The following RELL1 variants were observed in gnomAD, a reference collection of about 807,000 sequenced individuals.
The protein encoded by RELL1 is RELT like 1.
Under a neutral mutation model 23.0 loss-of-function variants are expected in RELL1, and 10 were observed. That is an observed-to-expected ratio of 0.43 (90% confidence interval 0.27 to 0.74). The LOEUF (loss-of-function observed/expected upper bound fraction) is 0.74, where lower values mean the gene tolerates loss of function less well. Ranked by LOEUF, RELL1 falls within the 30% of genes least tolerant of loss-of-function variation. The pLI is 0.19. For missense variants in RELL1, 315 were observed against 364.4 expected (o/e 0.86, Z 1.10); for synonymous variants, 146 against 146.8 (o/e 0.99, Z 0.04).
At chr4:37,674,275 C>G (rs138765923) in intron 1 of RELL1, among the ~76,000 whole-genome samples, 6 of 152,326 alleles carry the variant, frequency 3.9e-5, no homozygotes, top group Non-Finnish European at 8.8e-5. Flanking sequence ...CTGACGATAT[C>G]TCAAATAAGA....
At chr4:37,668,201 A>ACCCCCCCCCCCCCCC (rs532626099) in intron 1 of RELL1, among the ~76,000 whole-genome samples, 1 of 143,918 alleles carries the variant, frequency 6.9e-6, no homozygotes, top group African/African-American at 2.6e-5. Context: ...AAAAAAAGGA[A>ACCCCCCCCCCCCCCC]CCCCCTCCCC....
intron 6 of RELL1, among the ~76,000 whole-genome samples, chr4:37,626,682 T>A (rs758434602): frequency 2.0e-5 from 3 of 152,090 alleles, no homozygotes; most frequent in Admixed American, 6.6e-5. Flanking sequence ...TATAGATACA[T>A]AATGAAACAC....
intron 6 of RELL1, among the ~76,000 whole-genome samples, chr4:37,624,654 C>T (rs1719881816): frequency 6.6e-6 from 1 of 151,884 alleles, no homozygotes; most frequent in Non-Finnish European, 1.5e-5. Flanking sequence ...TGGTCTCGAT[C>T]TCCTGACCTC....
Position 37,647,435 on chromosome 4 carries a change from C to T in RELL1, c.318G>A (p.Leu106=). 6.2e-7 allele frequency: 1 copy of T among 1,610,984 alleles called. No individual in the cohort carries two copies. Among genetic ancestry groups the T allele is most frequent in the South Asian group, 1.1e-5 (1 of 90,914 alleles). ...CACTGTTTTCATTCACACTGTCATT[C>T]AATTCTGAAAGAGAAAAGAGGAGGG... The part of the protein sequence containing the change: ...IEEEKVEKIE[L]NDSVNENSDT... Residue 106 remains leucine (L), a synonymous_variant, in exon 3 of 7, where the codon TTG becomes TTA. Coordinates refer to ENST00000454158, the MANE Select transcript of RELL1 (RefSeq NM_001085400.2).
At chr4:37,610,319 T>C (rs1245299504), downstream of RELL1, among the ~76,000 whole-genome samples, 4 of 152,198 alleles carry the variant, frequency 2.6e-5, no homozygotes, top group Non-Finnish European at 4.4e-5. The surrounding 1 kb of genome is among the most constrained non-coding windows in gnomAD (Gnocchi z 4.1). Flanking sequence ...TAATAGACTA[T>C]AGTATAGTAT....
chr4:37,631,560 T>C, intron 5 of RELL1, 37 bp from the exon 6 acceptor site: 4 of 1,602,650 alleles, frequency 2.5e-6, no homozygotes, highest in Non-Finnish European at 3.4e-6. Flanking sequence ...GGGGTTTGCT[T>C]TTCTAATAAA....
In RELL1 at chr4:37,669,442, C is replaced by G. The variant is rs545494509; in HGVS notation, c.88+16758G>C. Among the ~76,000 whole-genome samples, 4 of 151,142 alleles carry G rather than the reference C, an allele frequency of 2.6e-5. No individual in the cohort carries two copies. The East Asian group carries it at 8.0e-4, about 30-fold the overall frequency. ...CAGCCCCCCACCCGGCCAGCCACCCCGTCCGGGAGGTGAGGGGCGCCTCTG... is the reference window on the plus strand; with the variant it reads ...CAGCCCCCCACCCGGCCAGCCACCCGGTCCGGGAGGTGAGGGGCGCCTCTG... On this transcript the variant is annotated intron_variant, in intron 1 of 6. Coordinates refer to ENST00000454158, the MANE Select transcript of RELL1 (RefSeq NM_001085400.2).
intron 1 of RELL1, among the ~76,000 whole-genome samples, chr4:37,663,566 A>G (rs1045137995): frequency 1.3e-5 from 2 of 152,148 alleles, no homozygotes; most frequent in African/African-American, 4.8e-5. Flanking sequence ...AGTGTTCTGG[A>G]TGCTTCCTGG....
At chr4:37,648,058 G>T (rs996458244) in intron 2 of RELL1, among the ~76,000 whole-genome samples, 1 of 152,182 alleles carries the variant, frequency 6.6e-6, no homozygotes, top group East Asian at 1.9e-4. Flanking sequence ...CAATAAGAAC[G>T]AGGAAGGGTT....
intron 1 of RELL1, among the ~76,000 whole-genome samples, chr4:37,663,478 G>C (rs1721423047): frequency 6.6e-6 from 1 of 152,246 alleles, no homozygotes; most frequent in Admixed American, 6.5e-5. Flanking sequence ...ATTTCTGAAA[G>C]GTGGTACGTC....
At chr4:37,655,082 G>C (rs1721076116) in intron 1 of RELL1, among the ~76,000 whole-genome samples, 1 of 152,084 alleles carries the variant, frequency 6.6e-6, no homozygotes, top group African/African-American at 2.4e-5. Context: ...CCCTTTGTGA[G>C]GTCTGATGGA....
rs1002455635 is a variant in RELL1 at position 37,661,723 on chromosome 4, A to G, written c.89-12223T>C. Among the ~76,000 whole-genome samples the G allele has an allele frequency of 2.0e-5, 3 of 152,248 alleles. No individual in the cohort carries two copies. In the South Asian group the frequency reaches 6.2e-4, roughly 32 times the overall value. On this transcript the variant is annotated intron_variant, in intron 1 of 6. Transcript: ENST00000454158. Reference sequence around the variant, plus strand: ...AACTAAAGTCACAGTCTCTAAGACCATCTACCCACAGTGGCAATCATAAAG... The same window carrying G: ...AACTAAAGTCACAGTCTCTAAGACCGTCTACCCACAGTGGCAATCATAAAG...
At chr4:37,613,932 T>C (rs1719489360) in intron 6 of RELL1, among the ~76,000 whole-genome samples, 1 of 152,228 alleles carries the variant, frequency 6.6e-6, no homozygotes, top group Non-Finnish European at 1.5e-5. Flanking sequence ...GACTTTTTAC[T>C]TTCCTGTTTT....
intron 1 of RELL1, among the ~76,000 whole-genome samples, chr4:37,666,713 GACCACACAGC>G (rs1446062264): frequency 6.6e-6 from 1 of 152,126 alleles, no homozygotes; most frequent in Non-Finnish European, 1.5e-5. Context: ...AGTGAGCAGC[GACCACACAGC>G]ACTGCTCAGG....
At chr4:37,671,183 T>C (rs1721821896) in intron 1 of RELL1, among the ~76,000 whole-genome samples, 1 of 152,242 alleles carries the variant, frequency 6.6e-6, no homozygotes, top group Non-Finnish European at 1.5e-5. Flanking sequence ...ACTGCACTTC[T>C]GCCTAGGGAC....
In RELL1 at chr4:37,647,349, A is replaced by G; in HGVS notation, c.385+19T>C. The G allele has an allele frequency of 6.3e-7, 1 of 1,583,482 alleles. No individual in the cohort carries two copies. Among genetic ancestry groups the G allele is most frequent in the Non-Finnish European group, 8.7e-7 (1 of 1,152,548 alleles). On this transcript the variant is annotated intron_variant, in intron 3 of 6. Coordinates refer to ENST00000454158, the MANE Select transcript of RELL1 (RefSeq NM_001085400.2). ...GGATAGGAATACTGAATTGTTTTGG[A>G]ACACTAAAATGTTCACACCTTCATT...
intron 1 of RELL1, among the ~76,000 whole-genome samples, chr4:37,656,662 G>C (rs1459077504): frequency 6.6e-6 from 1 of 152,182 alleles, no homozygotes; most frequent in African/African-American, 2.4e-5. Context: ...GGGACTCCAC[G>C]CTCATAAAGG....
chr4:37,598,252 CAAAAAAAAAAAAAAAAAAA>C (rs56142508), intron 6 of RELL1, among the ~76,000 whole-genome samples: 3 of 11,336 alleles, frequency 2.6e-4, no homozygotes, highest in Non-Finnish European at 3.8e-4. Context: ...AACTCTGTCT[CAAAAAAAAAAAAAAAAAAA>C]AAAAAAAAAA....
Position 37,634,840 on chromosome 4 carries a change from G to C in RELL1, c.680+47C>G. ...CAGGTAAGCAGAAGTCCACACACCAGAGCACCCATGTCACACACAAACCAA... is the reference window on the plus strand; with the variant it reads ...CAGGTAAGCAGAAGTCCACACACCACAGCACCCATGTCACACACAAACCAA... On this transcript the variant is annotated intron_variant, in intron 5 of 6. Transcript: ENST00000454158. 2.7e-6 allele frequency: 4 copies of C among 1,491,226 alleles called. No homozygotes were observed. The South Asian group carries it at 4.5e-5, about 17-fold the overall frequency. The allele number at this position is 1,491,226 out of a possible 1,614,324, so 92.4% of individuals were successfully genotyped here.
Sources: gnomAD v4.1 joint callset for allele counts (sites outside exome capture counted in the v4.1 genomes callset) on GRCh38, gnomAD v4.1.1 for gene constraint, Gnocchi (gnomAD v3.1) non-coding constraint, MANE v1.5 for transcripts, NCBI Gene and HGNC (gene_info 2026-07-23, HGNC 2026-07-21) for gene names.